VPS41: variants seen among roughly 807,000 people sequenced by gnomAD.
VPS41 encodes the protein vacuolar protein sorting-associated protein 41 homolog.
In VPS41, 85 loss-of-function variants were observed where a neutral mutation model predicts 130.9. The observed-to-expected ratio is 0.65, with a 90% confidence interval of 0.55 to 0.78. The LOEUF (loss-of-function observed/expected upper bound fraction) is 0.78. VPS41 is among the 30% of genes least tolerant of loss of function. The probability of loss-of-function intolerance (pLI) is 0.00; values close to 1 mark genes in which losing one functional copy is unlikely to be tolerated. For synonymous variants in VPS41, 335 were observed against 332.9 expected (o/e 1.01, Z -0.07); for missense variants, 874 against 1,018.7 (o/e 0.86, Z 1.93).
At chr7:38,774,091 A>C in intron 12 of VPS41, 24 bp downstream of exon 12, 1 of 1,573,642 alleles carries the variant, frequency 6.4e-7, no homozygotes, top group Non-Finnish European at 8.6e-7. Context: ...AAAGCATATC[A>C]GCCAGATCTT....
chr7:38,880,264 A>G (rs916141887), intron 2 of VPS41, among the ~76,000 whole-genome samples: 1 of 152,252 alleles, frequency 6.6e-6, no homozygotes, highest in South Asian at 2.1e-4. Flanking sequence ...TGACCAGACC[A>G]TAAAACCAAA....
intron 25 of VPS41, among the ~76,000 whole-genome samples, chr7:38,733,768 T>C (rs1324628324): frequency 1.3e-5 from 2 of 152,190 alleles, no homozygotes; most frequent in East Asian, 1.9e-4. Flanking sequence ...TTGTAACCTA[T>C]GTCTCTTATT....
intron 7 of VPS41, among the ~76,000 whole-genome samples, chr7:38,807,512 A>G (rs770143278): frequency 2.6e-5 from 4 of 152,312 alleles, no homozygotes; most frequent in Middle Eastern, 3.4e-3. Context: ...CTGTCAAGTC[A>G]CTATTCTGAC....
In VPS41 at chr7:38,758,353, C is replaced by T. The variant is rs751106434; in HGVS notation, c.1550+1G>A. On this transcript the variant is annotated splice_donor_variant, in intron 18 of 28. Coordinates refer to ENST00000310301, the MANE Select transcript of VPS41 (RefSeq NM_014396.4). LOFTEE classifies it high-confidence loss of function. ...AAAAAGAAACACTTAAGTATACTCA[C>T]AATTCTGCCAGGGTTTTAAGTAAAG... 18 of 1,604,952 alleles carry T rather than the reference C, an allele frequency of 1.1e-5. No homozygotes were observed. The highest frequency in any genetic ancestry group is 2.7e-5 in the African/African-American group (2 of 74,402).
intron 9 of VPS41, among the ~76,000 whole-genome samples, chr7:38,791,724 G>C: frequency 6.6e-6 from 1 of 152,168 alleles, no homozygotes; most frequent in African/African-American, 2.4e-5. Context: ...GAGTAACGGA[G>C]AGGCAGATCA....
intron 7 of VPS41, among the ~76,000 whole-genome samples, chr7:38,814,607 G>A (rs1171519086): frequency 6.6e-6 from 1 of 152,026 alleles, no homozygotes; most frequent in African/African-American, 2.4e-5. Flanking sequence ...CCGAGATCGC[G>A]CCACTGCACT....
intron 10 of VPS41, among the ~76,000 whole-genome samples, chr7:38,780,286 CT>C (rs1784333461): frequency 6.6e-6 from 1 of 151,072 alleles, no homozygotes; most frequent in South Asian, 2.1e-4. Context: ...AGAAAGCCAG[CT>C]GAGGCTCAGC....
rs1784270837 is a variant in VPS41, at chr7:38,776,916, A to G, written c.785-140T>C. 1.2e-5 allele frequency: 6 copies of G among 520,050 alleles called. No individual in the cohort carries two copies. The South Asian group carries it at 1.6e-4, about 14-fold the overall frequency. The allele number at this position is 520,050 out of a possible 1,614,324, so 32.2% of individuals were successfully genotyped here. A position where few individuals can be genotyped will look rare whatever the true frequency, so the allele number is the denominator to read the frequency against. On this transcript the variant is annotated intron_variant, in intron 10 of 28. Coordinates refer to ENST00000310301, the MANE Select transcript of VPS41 (RefSeq NM_014396.4). ...AGGGGACACCGTTGAACATACTTTCATAACTCAGCACTGCAAGTGCTTCAC... is the reference window on the plus strand; with the variant it reads ...AGGGGACACCGTTGAACATACTTTCGTAACTCAGCACTGCAAGTGCTTCAC...
intron 7 of VPS41, among the ~76,000 whole-genome samples, chr7:38,808,854 G>A (rs1784885982): frequency 6.6e-6 from 1 of 152,186 alleles, no homozygotes; most frequent in South Asian, 2.1e-4. Flanking sequence ...GTTTAGGGAT[G>A]GCAGTGGTAA....
chr7:38,795,479 C>T lies in VPS41; in HGVS notation c.703G>A (p.Gly235Arg). Reference protein sequence around the residue: ...KDNVTLIIGWGTSVKVCSVKE... With the variant: ...KDNVTLIIGWRTSVKVCSVKE... Reference sequence around the variant, plus strand: ...AGCAAAACCACCTTGACAGAAGTCCCCCAGCCAATAATCAGTGTCACATTG... The same window carrying T: ...AGCAAAACCACCTTGACAGAAGTCCTCCAGCCAATAATCAGTGTCACATTG... The change falls in exon 9 of 29, where the codon GGG (glycine) becomes AGG (arginine). Residue 235 changes from glycine (G) to arginine (R), a missense_variant. Coordinates refer to ENST00000310301, the MANE Select transcript of VPS41 (RefSeq NM_014396.4). 1 of 1,611,462 alleles carries T rather than the reference C, an allele frequency of 6.2e-7. No individual in the cohort carries two copies. The highest frequency in any genetic ancestry group is 8.5e-7 in the Non-Finnish European group (1 of 1,178,612).
At chr7:38,760,007 T>G (rs752892510) in intron 17 of VPS41, among the ~76,000 whole-genome samples, 17 of 152,180 alleles carry the variant, frequency 1.1e-4, no homozygotes, top group Non-Finnish European at 2.4e-4. Flanking sequence ...ATTTGAGACT[T>G]TGGCTCAAGT....
intron 4 of VPS41, among the ~76,000 whole-genome samples, chr7:38,853,418 CAA>C (rs57368681): frequency 9.9e-4 from 78 of 78,916 alleles, no homozygotes; most frequent in Non-Finnish European, 1.2e-3. Context: ...GACTCCTTCT[CAA>C]AAAAAAAAAA....
intron 16 of VPS41, among the ~76,000 whole-genome samples, chr7:38,764,485 T>A (rs1562577354): frequency 6.6e-6 from 1 of 151,762 alleles, no homozygotes; most frequent in Non-Finnish European, 1.5e-5. Flanking sequence ...GAAGTGAGAG[T>A]CCAGACTTAT....
intron 16 of VPS41, 50 bp downstream of exon 16, chr7:38,765,530 T>C: frequency 1.6e-6 from 2 of 1,225,398 alleles, no homozygotes; most frequent in Non-Finnish European, 2.3e-6. Context: ...CACTGCAATA[T>C]TAATATACTA....
intron 14 of VPS41, among the ~76,000 whole-genome samples, chr7:38,769,153 A>C (rs994576144): frequency 8.6e-5 from 13 of 152,016 alleles, no homozygotes; most frequent in African/African-American, 3.1e-4. Context: ...GCTTACCTCC[A>C]CTACTCAAGC....
At chr7:38,890,763 G>A (rs1382861074) in intron 2 of VPS41, among the ~76,000 whole-genome samples, 1 of 151,542 alleles carries the variant, frequency 6.6e-6, no homozygotes, top group East Asian at 1.9e-4. Flanking sequence ...ATGGTTCAAT[G>A]CAGCCTCAAC....
intron 17 of VPS41, among the ~76,000 whole-genome samples, chr7:38,761,265 T>C (rs199884230): frequency 0.11 from 111 of 1,006 alleles, no homozygotes; most frequent in Middle Eastern, 0.17. Context: ...CTTCCTCTCT[T>C]TTTTTTTTTT....
intron 2 of VPS41, among the ~76,000 whole-genome samples, chr7:38,890,323 T>C (rs1296265483): frequency 6.6e-6 from 1 of 152,198 alleles, no homozygotes; most frequent in Non-Finnish European, 1.5e-5. Flanking sequence ...ATAGTATGTA[T>C]AAAACGACAA....
intron 7 of VPS41, among the ~76,000 whole-genome samples, chr7:38,809,121 C>T (rs961492627): frequency 2.0e-5 from 3 of 151,992 alleles, no homozygotes; most frequent in Non-Finnish European, 2.9e-5. Flanking sequence ...TTAGCTTGAA[C>T]GTGGCAATCA....
Sources: allele counts gnomAD v4.1 joint callset (sites outside exome capture counted in the v4.1 genomes callset), GRCh38; gene constraint gnomAD v4.1.1; transcripts MANE v1.5; gene names NCBI Gene and HGNC (gene_info 2026-07-23, HGNC 2026-07-21).